Variants in TXNDC8 observed in about 807,000 individuals in gnomAD.
The protein encoded by TXNDC8 is thioredoxin domain-containing protein 8.
Under a neutral mutation model 12.9 loss-of-function variants are expected in TXNDC8, and 15 were observed. The ratio of observed to expected loss-of-function variants is 1.16; its 90% CI spans 0.78 to 1.79. TXNDC8 has a LOEUF of 1.79. TXNDC8 is among the 40% of genes most tolerant of loss of function. TXNDC8 has a pLI of 0.00. For synonymous variants in TXNDC8, 40 were observed against 35.4 expected (o/e 1.13, Z -0.46); for missense variants, 128 against 113.2 (o/e 1.13, Z -0.59).
At position 110,311,521 on chromosome 9, in the gene TXNDC8, GTATATATA is replaced by G. The variant is rs66474968; in HGVS notation, c.196-6997_196-6990del. Reference sequence around the variant, plus strand: ...TAAAGAAAGTTACAAAAATAAAGAGGTATATATATATATATATATATATATATATATAT... The same window carrying G: ...TAAAGAAAGTTACAAAAATAAAGAGGTATATATATATATATATATATATAT... On this transcript the variant is annotated intron_variant, in intron 3 of 4. Coordinates refer to ENST00000423740, the MANE Select transcript of TXNDC8 (RefSeq NM_001286946.2). 2.7e-3 allele frequency among the ~76,000 whole-genome samples: 111 copies of G among 41,242 alleles called. 3 individuals carry two copies. The South Asian group carries it at 0.031, about 12-fold the overall frequency. 27.1% of individuals were successfully genotyped at this position (41,242 alleles called of 152,430 possible).
At chr9:110,304,598 A>C in intron 3 of TXNDC8, 66 bp from the exon 5 acceptor site, 1 of 1,425,606 alleles carries the variant, frequency 7.0e-7, no homozygotes, top group Non-Finnish European at 9.6e-7. Context: ...CTCCCCTATA[A>C]CTGGTTCTTT....
At chr9:110,314,679 A>T (rs981617996) in intron 3 of TXNDC8, among the ~76,000 whole-genome samples, 1 of 151,836 alleles carries the variant, frequency 6.6e-6, no homozygotes, top group Non-Finnish European at 1.5e-5. Context: ...TGATCCGCCC[A>T]CCTCGGCCTC....
intron 1 of TXNDC8, among the ~76,000 whole-genome samples, chr9:110,335,463 C>T (rs1329246017): frequency 6.6e-6 from 1 of 152,196 alleles, no homozygotes; most frequent in Non-Finnish European, 1.5e-5. Flanking sequence ...AAGACTTTTC[C>T]TTTTCTCACT....
At chr9:110,313,557 C>T (rs1348630634) in intron 3 of TXNDC8, among the ~76,000 whole-genome samples, 1 of 151,996 alleles carries the variant, frequency 6.6e-6, no homozygotes, top group African/African-American at 2.4e-5. Context: ...AAAAATTAGC[C>T]AGGCGTGGTG....
At chr9:110,306,758 T>A (rs370013905) in intron 3 of TXNDC8, among the ~76,000 whole-genome samples, 28 of 152,310 alleles carry the variant, frequency 1.8e-4, no homozygotes, top group African/African-American at 6.3e-4. Context: ...TCCTGTCATC[T>A]TTTCTCACTT....
chr9:110,317,832 C>T (rs1324856286), intron 3 of TXNDC8, among the ~76,000 whole-genome samples: 1 of 152,222 alleles, frequency 6.6e-6, no homozygotes, highest in African/African-American at 2.4e-5. Flanking sequence ...TTGCTTTCTT[C>T]TTGTGTGTCT....
chr9:110,307,810 G>T (rs181006847), intron 3 of TXNDC8, among the ~76,000 whole-genome samples: 1 of 152,068 alleles, frequency 6.6e-6, no homozygotes, highest in African/African-American at 2.4e-5. Flanking sequence ...CTGCCTTTCC[G>T]GACCAAACCA....
Position 110,305,993 on chromosome 9 carries a change from C to T in TXNDC8, c.196-1461G>A, listed in dbSNP as rs544950481. Among the ~76,000 whole-genome samples the T allele has an allele frequency of 1.4e-4, 21 of 152,002 alleles. No homozygotes were observed. The East Asian group carries it at 4.1e-3, about 29-fold the overall frequency. The stretch of plus-strand genomic sequence containing the variant: ...GCAATCTCTGCCTCCCGGCTTCAAG[C>T]GATTCTCCCACCTCTGCCTCCCACC... On this transcript the variant is annotated intron_variant, in intron 3 of 4. Coordinates refer to ENST00000423740, the MANE Select transcript of TXNDC8 (RefSeq NM_001286946.2).
intron 2 of TXNDC8, among the ~76,000 whole-genome samples, chr9:110,328,340 T>C (rs576124550): frequency 6.6e-6 from 1 of 152,146 alleles, no homozygotes; most frequent in South Asian, 2.1e-4. Flanking sequence ...GGTTATGGGG[T>C]TGATTATTTT....
intron 3 of TXNDC8, among the ~76,000 whole-genome samples, chr9:110,318,143 T>C (rs1838952162): frequency 6.6e-6 from 1 of 152,172 alleles, no homozygotes; most frequent in South Asian, 2.1e-4. Context: ...CCAAGTGGTG[T>C]TCCTAAGTAG....
chr9:110,333,685 T>C (rs995051422), intron 2 of TXNDC8, among the ~76,000 whole-genome samples: 1 of 152,230 alleles, frequency 6.6e-6, no homozygotes, highest in African/African-American at 2.4e-5. Context: ...CCAACATCAA[T>C]TGTATACATT....
downstream of TXNDC8, among the ~76,000 whole-genome samples, chr9:110,303,000 G>T (rs1159420010): frequency 6.6e-6 from 1 of 151,972 alleles, no homozygotes; most frequent in Non-Finnish European, 1.5e-5. Flanking sequence ...GTAGGCAGAG[G>T]TTTCAGTGAG....
intron 2 of TXNDC8, among the ~76,000 whole-genome samples, chr9:110,326,565 T>C (rs1013093133): frequency 1.3e-5 from 2 of 151,882 alleles, no homozygotes; most frequent in African/African-American, 4.8e-5. Context: ...TGTGAAAGAG[T>C]ACAGAGGGGC....
Position 110,311,221 on chromosome 9 carries a change from C to T in TXNDC8, c.196-6689G>A, listed in dbSNP as rs71501624. On this transcript the variant is annotated intron_variant, in intron 3 of 4. Transcript: ENST00000423740. ...GATTATTATCACAGTTTACATAAAT[C>T]ATCTAGGTAAATGATTAAAATAATT... is the stretch of plus-strand genomic sequence containing the variant. 8.8e-3 allele frequency among the ~76,000 whole-genome samples: 1,331 copies of T among 151,952 alleles called. 23 individuals carry two copies. Among genetic ancestry groups the T allele is most frequent in the African/African-American group, 0.03 (1,255 of 41,442 alleles).
intron 3 of TXNDC8, among the ~76,000 whole-genome samples, chr9:110,305,612 T>TTCTG (rs1587947435): frequency 7.3e-6 from 1 of 136,798 alleles, no homozygotes; most frequent in South Asian, 2.4e-4. Context: ...CTTTCTTTCT[T>TTCTG]TTTCTTCCTT....
At chr9:110,305,802 CT>C (rs1838444573) in intron 3 of TXNDC8, among the ~76,000 whole-genome samples, 2 of 94,312 alleles carry the variant, frequency 2.1e-5, no homozygotes, top group African/African-American at 1.4e-4. Flanking sequence ...CTTTTCTTTT[CT>C]TTTCTTTCCT....
At chr9:110,336,149 G>T (rs560611589) in intron 1 of TXNDC8, among the ~76,000 whole-genome samples, 11 of 152,326 alleles carry the variant, frequency 7.2e-5, no homozygotes, top group Admixed American at 4.6e-4. Flanking sequence ...CCAGCCATGT[G>T]GAACCGTGAG....
intron 3 of TXNDC8, among the ~76,000 whole-genome samples, chr9:110,306,593 ATACT>A (rs1304724945): frequency 4.6e-5 from 7 of 152,224 alleles, no homozygotes; most frequent in African/African-American, 7.2e-5. Context: ...CATTTAACAA[ATACT>A]TAATAAGTGC....
chr9:110,322,632 T>A (rs1839148355), intron 3 of TXNDC8: 1 of 985,254 alleles, frequency 1.0e-6, no homozygotes, highest in Non-Finnish European at 1.2e-6. Context: ...TGTGTCATCA[T>A]AAAATGGAGT....
Sources: allele counts gnomAD v4.1 joint callset (sites outside exome capture counted in the v4.1 genomes callset), GRCh38; gene constraint gnomAD v4.1.1; transcripts MANE v1.5; gene names NCBI Gene and HGNC (gene_info 2026-07-23, HGNC 2026-07-21).